SLC25A21: variants seen among roughly 807,000 people sequenced by gnomAD.
SLC25A21 encodes the protein solute carrier family 25 member 21.
In SLC25A21, 47 loss-of-function variants were observed where a neutral mutation model predicts 43.8. That is an observed-to-expected ratio of 1.07 (90% confidence interval 0.85 to 1.37). The LOEUF is 1.37. Among genes scored for constraint, SLC25A21 ranks in the 40% most tolerant of loss-of-function variants. The probability of loss-of-function intolerance (pLI) is 0.00; values close to 1 mark genes in which losing one functional copy is unlikely to be tolerated. For synonymous variants in SLC25A21, 131 were observed against 121.3 expected, an observed-to-expected ratio of 1.08 and a Z score of -0.52; for missense variants, 352 against 350.2, an observed-to-expected ratio of 1.00 and a Z score of -0.04.
At chr14:37,018,136 TAAGA>T (rs1960903892) in intron 1 of SLC25A21, among the ~76,000 whole-genome samples, 1 of 152,054 alleles carries the variant, frequency 6.6e-6, no homozygotes, top group African/African-American at 2.4e-5. Flanking sequence ...TATTTTTTAA[TAAGA>T]AAGAACAAAT....
At position 36,679,452 on chromosome 14, in the gene SLC25A21, G is replaced by A. The variant is rs1340538714; in HGVS notation, c.*1206C>T. ...CCCACGGTAGTAACTTAGGACAGGT[G>A]TCATATGGACTTTCAGTTATTCTTG... is the stretch of plus-strand genomic sequence containing the variant. On this transcript the variant is annotated 3_prime_UTR_variant, in exon 10 of 10. Coordinates refer to ENST00000331299, the MANE Select transcript of SLC25A21 (RefSeq NM_030631.4). 7 of 985,248 alleles carry A rather than the reference G, an allele frequency of 7.1e-6. No individual in the cohort carries two copies. The highest frequency in any genetic ancestry group is 7.2e-6 in the Non-Finnish European group (6 of 829,880). The allele number at this position is 985,248 out of a possible 1,614,324, so 61.0% of individuals were successfully genotyped here.
chr14:36,683,749 G>T, intron 9 of SLC25A21, 79 bp downstream of exon 9: 2 of 1,000,134 alleles, frequency 2.0e-6, no homozygotes, highest in South Asian at 1.6e-5. Flanking sequence ...ATATTTTGTT[G>T]CTGATGGACA....
intron 1 of SLC25A21, among the ~76,000 whole-genome samples, chr14:37,139,015 T>C (rs1406352900): frequency 6.6e-6 from 1 of 152,114 alleles, no homozygotes; most frequent in Non-Finnish European, 1.5e-5. Context: ...AATCAGCTCT[T>C]TTGTACTACG....
intron 1 of SLC25A21, among the ~76,000 whole-genome samples, chr14:36,933,583 T>C (rs2138639465): frequency 6.6e-6 from 1 of 152,276 alleles, no homozygotes; most frequent in East Asian, 1.9e-4. Flanking sequence ...GAAAATTGTT[T>C]GGCTAAAATA....
At chr14:36,840,797 T>A (rs1379911473) in intron 2 of SLC25A21, among the ~76,000 whole-genome samples, 1 of 152,180 alleles carries the variant, frequency 6.6e-6, no homozygotes, top group South Asian at 2.1e-4. Flanking sequence ...AGCTCTGATA[T>A]CCGACGAGTC....
chr14:36,900,844 G>A (rs1254695905), intron 1 of SLC25A21, among the ~76,000 whole-genome samples: 1 of 152,184 alleles, frequency 6.6e-6, no homozygotes, highest in South Asian at 2.1e-4. Flanking sequence ...GGGAGCCATT[G>A]CAATAGGGCA....
intron 1 of SLC25A21, among the ~76,000 whole-genome samples, chr14:37,117,459 T>C (rs1963126184): frequency 6.6e-6 from 1 of 152,184 alleles, no homozygotes; most frequent in South Asian, 2.1e-4. Flanking sequence ...ACTTTTGCAT[T>C]TTAGAGCTGG....
At chr14:36,810,726 C>T (rs1434933035) in intron 3 of SLC25A21, among the ~76,000 whole-genome samples, 2 of 152,146 alleles carry the variant, frequency 1.3e-5, no homozygotes, top group Non-Finnish European at 2.9e-5. Flanking sequence ...CTGAGTGTCT[C>T]TACTCAGTGC....
chr14:36,748,869 T>C (rs928487521), intron 3 of SLC25A21, among the ~76,000 whole-genome samples: 3 of 152,230 alleles, frequency 2.0e-5, no homozygotes, highest in Admixed American at 2.0e-4. Context: ...CTCCACAGAC[T>C]TGCTCCACCC....
chr14:37,090,632 T>C (rs140319826), intron 1 of SLC25A21, among the ~76,000 whole-genome samples: 17 of 152,172 alleles, frequency 1.1e-4, no homozygotes, highest in Admixed American at 4.6e-4. Context: ...AGGGTCCCAG[T>C]TGAGAAAAAC....
chr14:36,894,262 G>T (rs908374828), intron 1 of SLC25A21, among the ~76,000 whole-genome samples: 14 of 152,086 alleles, frequency 9.2e-5, no homozygotes, highest in Non-Finnish European at 1.5e-4. Flanking sequence ...CACATCCCTT[G>T]TAAGTTGGAT....
intron 1 of SLC25A21, among the ~76,000 whole-genome samples, chr14:37,092,856 C>T (rs1225906319): frequency 6.6e-6 from 1 of 151,694 alleles, no homozygotes; most frequent in East Asian, 1.9e-4. Flanking sequence ...TTTTCTTGTA[C>T]CCAAGAGAAT....
chr14:36,820,668 T>C (rs774452337), intron 2 of SLC25A21, among the ~76,000 whole-genome samples: 5 of 152,176 alleles, frequency 3.3e-5, no homozygotes, highest in Non-Finnish European at 7.3e-5. Flanking sequence ...GACTTAATAT[T>C]TGAGTTTGTT....
intron 1 of SLC25A21, among the ~76,000 whole-genome samples, chr14:36,890,753 C>A (rs1047097829): frequency 3.9e-5 from 6 of 152,174 alleles, no homozygotes; most frequent in African/African-American, 1.4e-4. Flanking sequence ...TCACCATTCC[C>A]TGAACTAGAT....
chr14:36,757,473 A>C (rs948129416), intron 3 of SLC25A21, among the ~76,000 whole-genome samples: 3 of 152,238 alleles, frequency 2.0e-5, no homozygotes, highest in African/African-American at 7.2e-5. Flanking sequence ...ATTAAAAAAA[A>C]TCTATATATC....
At chr14:36,963,865 G>A (rs996316194) in intron 1 of SLC25A21, among the ~76,000 whole-genome samples, 12 of 152,072 alleles carry the variant, frequency 7.9e-5, no homozygotes, top group South Asian at 2.1e-4. Context: ...CAAAGTGCTC[G>A]GTAAAGAATG....
chr14:36,955,541 T>G (rs939213332), intron 1 of SLC25A21, among the ~76,000 whole-genome samples: 1 of 152,190 alleles, frequency 6.6e-6, no homozygotes, highest in South Asian at 2.1e-4. Flanking sequence ...TTTCTGATTT[T>G]TTTTTAGCCA....
chr14:36,756,812 A>T (rs189739360), intron 3 of SLC25A21, among the ~76,000 whole-genome samples: 231 of 152,284 alleles, frequency 1.5e-3, no homozygotes, highest in Non-Finnish European at 2.7e-3. Flanking sequence ...ATATTCAAAC[A>T]ATACATAAGG....
chr14:36,801,855 T>C (rs184447033), intron 3 of SLC25A21, among the ~76,000 whole-genome samples: 87 of 152,308 alleles, frequency 5.7e-4, no homozygotes, highest in African/African-American at 2.1e-3. Flanking sequence ...AGGAGAACAG[T>C]AGTGAAGACA....
Sources: allele counts gnomAD v4.1 joint callset (sites outside exome capture counted in the v4.1 genomes callset), GRCh38; gene constraint gnomAD v4.1.1; transcripts MANE v1.5; gene names NCBI Gene and HGNC (gene_info 2026-07-23, HGNC 2026-07-21).